SYNJ1: variants seen among roughly 807,000 people sequenced by gnomAD.
The protein encoded by SYNJ1 is polyphosphatidylinositol phosphatase SYNJ1.
A neutral mutation model predicts 168.2 loss-of-function variants in SYNJ1; 78 were observed. The ratio of observed to expected loss-of-function variants is 0.46; its 90% CI spans 0.39 to 0.56. The LOEUF (loss-of-function observed/expected upper bound fraction) is 0.56, where lower values mean the gene tolerates loss of function less well. Among genes scored for constraint, SYNJ1 ranks in the 20% least tolerant of loss-of-function variants. The pLI, the probability that SYNJ1 is intolerant of heterozygous loss-of-function variation, is 0.00. For synonymous variants in SYNJ1, 539 were observed against 548.6 expected, an observed-to-expected ratio of 0.98 and a Z score of 0.24; for missense variants, 1,303 against 1,597.6, an observed-to-expected ratio of 0.82 and a Z score of 3.14.
At chr21:32,684,725 G>A (rs569119277) in intron 9 of SYNJ1, among the ~76,000 whole-genome samples, 4 of 152,204 alleles carry the variant, frequency 2.6e-5, no homozygotes, top group South Asian at 2.1e-4. Flanking sequence ...ATATTAAAAC[G>A]TAAGTTTTAA....
At chr21:32,652,190 T>C (rs923459022) in intron 22 of SYNJ1, among the ~76,000 whole-genome samples, 8 of 151,788 alleles carry the variant, frequency 5.3e-5, no homozygotes, top group East Asian at 1.9e-4. Flanking sequence ...TCAAAAGCAA[T>C]ACACACAAAG....
At chr21:32,680,602 A>G (rs2041583088) in intron 11 of SYNJ1, among the ~76,000 whole-genome samples, 1 of 152,126 alleles carries the variant, frequency 6.6e-6, no homozygotes, top group South Asian at 2.1e-4. Flanking sequence ...ACAGACAATT[A>G]TAATTAAGTC....
intron 2 of SYNJ1, among the ~76,000 whole-genome samples, chr21:32,715,792 A>AT (rs1712872333): frequency 1.3e-5 from 2 of 151,992 alleles, no homozygotes; most frequent in Non-Finnish European, 1.5e-5. Flanking sequence ...TTTTTTTTTA[A>AT]TTTTTTTCTT....
intron 4 of SYNJ1, among the ~76,000 whole-genome samples, chr21:32,695,813 C>T (rs1268009736): frequency 1.3e-4 from 19 of 151,146 alleles, no homozygotes; most frequent in Non-Finnish European, 3.0e-5. Context: ...CAGGCATGCA[C>T]CACCAAGCCG....
chr21:32,726,386 T>C (rs1247436023), intron 2 of SYNJ1, among the ~76,000 whole-genome samples: 2 of 152,200 alleles, frequency 1.3e-5, no homozygotes, highest in African/African-American at 2.4e-5. Flanking sequence ...TCCAACAATA[T>C]TGGATAATAT....
Position 32,653,495 on chromosome 21 carries a change from G to A in SYNJ1, c.2796-129C>T, listed in dbSNP as rs144426013. On this transcript the variant is annotated intron_variant, in intron 21 of 32. Transcript: ENST00000674351. ...GGAAGTAAAAAGTAAAGGAGGGAGC[G>A]CAGGTAGGGCTGGTGGTGACCTGGA... The A allele has an allele frequency of 2.9e-3, 1,971 of 690,018 alleles. 13 individuals are homozygous for A. The highest frequency in any genetic ancestry group is 3.6e-3 in the African/African-American group (201 of 55,306). 42.7% of individuals were successfully genotyped at this position (690,018 alleles called of 1,614,324 possible).
chr21:32,696,668 ATAAGG>A (rs1212056607), intron 4 of SYNJ1, among the ~76,000 whole-genome samples: 1 of 152,136 alleles, frequency 6.6e-6, no homozygotes. Flanking sequence ...CCTGTCTTAA[ATAAGG>A]TATAAAAGAT....
intron 2 of SYNJ1, among the ~76,000 whole-genome samples, chr21:32,714,170 G>A (rs978719590): frequency 1.3e-5 from 2 of 152,156 alleles, no homozygotes; most frequent in Non-Finnish European, 2.9e-5. Flanking sequence ...CCTGACGCCA[G>A]AAAGAATTTG....
intron 2 of SYNJ1, among the ~76,000 whole-genome samples, chr21:32,702,884 G>A (rs1029174258): frequency 6.6e-6 from 1 of 152,186 alleles, no homozygotes; most frequent in Non-Finnish European, 1.5e-5. Flanking sequence ...ACACTGACGT[G>A]TTCCACGTTA....
intron 18 of SYNJ1, among the ~76,000 whole-genome samples, chr21:32,663,956 G>A (rs571466686): frequency 6.6e-6 from 1 of 152,356 alleles, no homozygotes; most frequent in Admixed American, 6.5e-5. Context: ...TGAAGGGCAA[G>A]TAGTTGAAGA....
chr21:32,633,886 C>T (rs1452146746), intron 32 of SYNJ1, among the ~76,000 whole-genome samples: 2 of 152,226 alleles, frequency 1.3e-5, no homozygotes, highest in East Asian at 3.9e-4. Context: ...ATGTCACAGA[C>T]TTTAAACTGT....
chr21:32,706,253 A>G (rs534490897), intron 2 of SYNJ1, among the ~76,000 whole-genome samples: 1 of 152,330 alleles, frequency 6.6e-6, no homozygotes, highest in East Asian at 1.9e-4. Context: ...GAGACATGAC[A>G]ACAAAATAAA....
At chr21:32,678,408 A>C (rs1032074497) in intron 12 of SYNJ1, among the ~76,000 whole-genome samples, 9 of 152,298 alleles carry the variant, frequency 5.9e-5, no homozygotes, top group Middle Eastern at 6.8e-3. Context: ...CCTCAATCAT[A>C]ATCTATAGAA....
chr21:32,678,176 A>C (rs748024423), intron 12 of SYNJ1, among the ~76,000 whole-genome samples: 3 of 152,206 alleles, frequency 2.0e-5, no homozygotes, highest in Non-Finnish European at 4.4e-5. Flanking sequence ...TTAAATTATT[A>C]ATATGATTTA....
chr21:32,673,870 G>C (rs993114183), intron 13 of SYNJ1, among the ~76,000 whole-genome samples: 3 of 151,820 alleles, frequency 2.0e-5, no homozygotes, highest in African/African-American at 7.3e-5. Flanking sequence ...CAAATCCAAT[G>C]AACTATACAT....
chr21:32,655,883 A>T (rs1052178293), intron 21 of SYNJ1, among the ~76,000 whole-genome samples: 8 of 152,236 alleles, frequency 5.3e-5, no homozygotes, highest in African/African-American at 1.9e-4. Flanking sequence ...TGGCTAGATC[A>T]ATGAGGGAAA....
chr21:32,669,408 A>G (rs544625004), intron 15 of SYNJ1, among the ~76,000 whole-genome samples: 1 of 152,272 alleles, frequency 6.6e-6, no homozygotes, highest in South Asian at 2.1e-4. Flanking sequence ...GCTTCCCAAC[A>G]ATTATTTTCT....
chr21:32,705,196 A>G (rs2042564788), intron 2 of SYNJ1, among the ~76,000 whole-genome samples: 1 of 152,078 alleles, frequency 6.6e-6, no homozygotes, highest in South Asian at 2.1e-4. Flanking sequence ...TAGATAGACT[A>G]AAGACAGACA....
chr21:32,652,939 C>T (rs543259558), intron 22 of SYNJ1, among the ~76,000 whole-genome samples: 3 of 152,338 alleles, frequency 2.0e-5, no homozygotes, highest in Admixed American at 2.0e-4. Flanking sequence ...GTACATAATG[C>T]ATTTTCTTCA....
Sources: allele counts gnomAD v4.1 joint callset (sites outside exome capture counted in the v4.1 genomes callset), GRCh38; gene constraint gnomAD v4.1.1; transcripts MANE v1.5; gene names NCBI Gene and HGNC (gene_info 2026-07-23, HGNC 2026-07-21).